Variants in NID2 observed in about 807,000 individuals in gnomAD.
NID2 encodes nidogen 2, also known as nidogen-2.
In NID2, 83 loss-of-function variants were observed where a neutral mutation model predicts 145.4. That is an observed-to-expected ratio of 0.57 (90% CI 0.48 to 0.69). The LOEUF is 0.69. Among genes scored for constraint, NID2 ranks in the 30% least tolerant of loss-of-function variants. The probability of loss-of-function intolerance (pLI) is 0.00; values close to 1 mark genes in which losing one functional copy is unlikely to be tolerated. For synonymous variants in NID2, 739 were observed against 701.3 expected, an observed-to-expected ratio of 1.05 and a Z score of -0.85; for missense variants, 1,807 against 1,765.7, an observed-to-expected ratio of 1.02 and a Z score of -0.42.
Position 52,060,127 on chromosome 14 carries a change from T to C in NID2, c.764A>G (p.Tyr255Cys), listed in dbSNP as rs141712996. The change falls in exon 3 of 22, where the codon TAT (tyrosine) becomes TGT (cysteine). Residue 255 changes from tyrosine (Y) to cysteine (C), a missense_variant. Transcript: ENST00000216286. The part of the protein sequence containing the change: ...TSTEQSVKNL[Y>C]QLSNLGIPGV... ...GCTTCAGCTCAATGTTACTTACTGA[T>C]AGAGATTTTTCACAGACTGTTCAGT... 2.4e-5 allele frequency: 39 copies of C among 1,596,870 alleles called. No individual in the cohort carries two copies. Among genetic ancestry groups the C allele is most frequent in the African/African-American group, 2.1e-4 (16 of 74,538 alleles).
chr14:52,018,947 GAA>G (rs1302441724), intron 14 of NID2, 112 bp downstream of exon 14: 6 of 710,456 alleles, frequency 8.4e-6, no homozygotes, highest in African/African-American at 5.3e-5. Context: ...TTCTCAGGAG[GAA>G]AGAGGCTATG....
chr14:52,041,525 T>G (rs141777241), intron 7 of NID2, among the ~76,000 whole-genome samples: 145 of 152,346 alleles, frequency 9.5e-4, no homozygotes, highest in African/African-American at 3.3e-3. Flanking sequence ...AAATCCTTGT[T>G]GTCAACGGGT....
intron 18 of NID2, chr14:52,009,352 T>C (rs746972232): frequency 2.0e-5 from 3 of 152,194 alleles, no homozygotes; most frequent in Non-Finnish European, 4.4e-5. Flanking sequence ...GTGTAAATTA[T>C]TTGGGGATTG....
In NID2 at chr14:52,053,823, A is replaced by G; in HGVS notation, c.1185T>C (p.Ala395=). The change falls in exon 5 of 22, where the codon GCT becomes GCC. Residue 395 remains alanine (A), a synonymous_variant. Transcript: ENST00000216286. ...PWDERETRSP[A]PPEVDRDSLA... is the part of the protein sequence containing the mutation. The stretch of plus-strand genomic sequence containing the variant: ...GTGAATCTCTGTCTACCTCTGGTGG[A>G]GCTGGGCTTCTGGTCTCTCTCTCAT... The G allele has an allele frequency of 6.2e-7, 1 of 1,614,092 alleles. No individual in the cohort carries two copies. The highest frequency in any genetic ancestry group is 8.5e-7 in the Non-Finnish European group (1 of 1,180,014).
At chr14:52,014,065 GA>G in intron 16 of NID2, 1 of 608,678 alleles carries the variant, frequency 1.6e-6, no homozygotes, top group Non-Finnish European at 2.9e-6. Context: ...GAAACTCCAT[GA>G]ACGAACCAGA....
At chr14:52,043,069 C>T (rs1417398156) in intron 5 of NID2, 138 bp from the exon 6 acceptor site, 3 of 785,556 alleles carry the variant, frequency 3.8e-6, no homozygotes, top group East Asian at 2.7e-5. Context: ...ACCGGCATAA[C>T]ATTCAACCCA....
At chr14:52,063,684 C>T (rs573196349) in intron 2 of NID2, among the ~76,000 whole-genome samples, 1 of 152,318 alleles carries the variant, frequency 6.6e-6, no homozygotes, top group East Asian at 1.9e-4. Flanking sequence ...ACAAAGTTCT[C>T]TTTGTCATCT....
intron 16 of NID2, among the ~76,000 whole-genome samples, chr14:52,013,564 G>C (rs1326953164): frequency 6.6e-6 from 1 of 152,096 alleles, no homozygotes; most frequent in Non-Finnish European, 1.5e-5. Context: ...TTCAACAATG[G>C]AATCAGATGA....
intron 10 of NID2, among the ~76,000 whole-genome samples, chr14:52,029,307 C>A (rs1273175619): frequency 6.6e-6 from 1 of 152,222 alleles, no homozygotes; most frequent in Non-Finnish European, 1.5e-5. Context: ...CCAGGAACTG[C>A]AACAGATGTT....
chr14:52,042,239 C>G lies in NID2; in HGVS notation c.1691G>C (p.Arg564Thr). Residue 564 changes from arginine (R) to threonine (T), a missense_variant, in exon 7 of 22, where the codon AGA (arginine) becomes ACA (threonine). Coordinates refer to ENST00000216286, the MANE Select transcript of NID2 (RefSeq NM_007361.4). ...LHAYIVGNDG[R>T]AYTAISHIPQ... ...GATGTGGCTGATGGCCGTGTAGGCT[C>G]TGCCATCATTGCCCACGATATACGC... is the stretch of plus-strand genomic sequence containing the variant. The G allele has an allele frequency of 6.2e-7, 1 of 1,614,192 alleles. No homozygotes were observed. The highest frequency in any genetic ancestry group is 1.3e-5 in the African/African-American group (1 of 75,058).
rs893014382 is a variant in NID2, at chr14:52,011,800, G to A, written c.3421-117C>T. ...GCAACACTGCACTGTGATCCTGCAG[G>A]CAACAGAGCAGAGTAGCTGGACATG... On this transcript the variant is annotated intron_variant, in intron 16 of 21. Transcript: ENST00000216286. The A allele has an allele frequency of 6.5e-6, 8 of 1,240,270 alleles. No individual in the cohort carries two copies. In the African/African-American group the frequency reaches 1.2e-4, roughly 18 times the overall value. The allele number at this position is 1,240,270 out of a possible 1,614,324, so 76.8% of individuals were successfully genotyped here. A position where few individuals can be genotyped will look rare whatever the true frequency, so the allele number is the denominator to read the frequency against.
intron 5 of NID2, among the ~76,000 whole-genome samples, chr14:52,051,677 G>A (rs903148895): frequency 1.3e-5 from 2 of 152,194 alleles, no homozygotes; most frequent in Admixed American, 6.5e-5. Flanking sequence ...ACAATTGCAT[G>A]CTTCTATACT....
chr14:52,057,261 T>C (rs1414475999), intron 3 of NID2, among the ~76,000 whole-genome samples: 2 of 152,262 alleles, frequency 1.3e-5, no homozygotes, highest in South Asian at 2.1e-4. Flanking sequence ...CAGGCTGGCC[T>C]TGAATGCCTG....
chr14:52,068,181 CA>C lies in NID2; in HGVS notation c.229-19del. 2.5e-6 allele frequency: 4 copies of C among 1,610,332 alleles called. No homozygotes were observed. The South Asian group carries it at 4.4e-5, about 18-fold the overall frequency. On this transcript the variant is annotated intron_variant, in intron 1 of 21. Transcript: ENST00000216286. ...GTGCCCACCTGGGAGAGGAGAGGGACAAAAAGGTGACAGTCGCTCAAGCCCA... is the reference window on the plus strand; with the variant it reads ...GTGCCCACCTGGGAGAGGAGAGGGACAAAAGGTGACAGTCGCTCAAGCCCA...
chr14:52,012,782 C>CA (rs1891082239), intron 16 of NID2, among the ~76,000 whole-genome samples: 1 of 152,212 alleles, frequency 6.6e-6, no homozygotes, highest in Non-Finnish European at 1.5e-5. Context: ...GAACTTGCTT[C>CA]ATTCAGTTTC....
At chr14:52,035,791 G>A (rs967871025) in intron 9 of NID2, among the ~76,000 whole-genome samples, 9 of 149,996 alleles carry the variant, frequency 6.0e-5, no homozygotes, top group African/African-American at 2.2e-4. Flanking sequence ...CAGTTCTCCT[G>A]TTTCAGCCTC....
Position 52,053,573 on chromosome 14 carries a change from A to T in NID2, c.1429+6T>A, listed in dbSNP as rs1892745660. The T allele has an allele frequency of 2.5e-6, 4 of 1,607,732 alleles. No homozygotes were observed. The highest frequency in any genetic ancestry group is 1.7e-4 in the Middle Eastern group (1 of 6,050). On this transcript the variant is annotated splice_donor_region_variant and intron_variant, in intron 5 of 21. Transcript: ENST00000216286. ...ACCTTAGCACCCAGTTTTCTAATGC[A>T]CTCACCCTCGGTGTTGGAACCTATG... is the stretch of plus-strand genomic sequence containing the variant.
At chr14:52,030,424 A>G (rs1312894016) in intron 9 of NID2, among the ~76,000 whole-genome samples, 1 of 150,268 alleles carries the variant, frequency 6.7e-6, no homozygotes, top group African/African-American at 2.5e-5. Flanking sequence ...GATAGTTTGA[A>G]GCCAGGAGTT....
intron 9 of NID2, among the ~76,000 whole-genome samples, chr14:52,037,923 C>CT (rs1368570280): frequency 6.6e-6 from 1 of 152,178 alleles, no homozygotes; most frequent in Non-Finnish European, 1.5e-5. Context: ...CTCATTGCTA[C>CT]TATAGAGAAA....
Sources: gnomAD v4.1 joint callset for allele counts (sites outside exome capture counted in the v4.1 genomes callset) on GRCh38, gnomAD v4.1.1 for gene constraint, MANE v1.5 for transcripts, NCBI Gene and HGNC (gene_info 2026-07-23, HGNC 2026-07-21) for gene names.